Variants in PRKCSH observed in about 807,000 individuals in gnomAD.
The protein encoded by PRKCSH is glucosidase 2 subunit beta.
Under a neutral mutation model 79.7 loss-of-function variants are expected in PRKCSH, and 42 were observed. The observed-to-expected ratio is 0.53, with a 90% confidence interval of 0.41 to 0.68. PRKCSH has a LOEUF of 0.68. PRKCSH is among the 30% of genes least tolerant of loss of function. The pLI, the probability that PRKCSH is intolerant of heterozygous loss-of-function variation, is 0.00. For synonymous variants in PRKCSH, 325 were observed against 288.2 expected (o/e 1.13, Z -1.29); for missense variants, 686 against 709.0 (o/e 0.97, Z 0.37).
intron 3 of PRKCSH, chr19:11,436,779 A>G: frequency 2.2e-6 from 1 of 445,026 alleles, no homozygotes; most frequent in African/African-American, 2.0e-5. Context: ...AACACGGGCA[A>G]ACCCCTAGAA....
chr19:11,445,955 G>A (rs1395436420), intron 8 of PRKCSH: 5 of 529,062 alleles, frequency 9.5e-6, no homozygotes, highest in Non-Finnish European at 1.4e-5. Context: ...TGCTGGGTGG[G>A]GGACCAAGGC....
Position 11,448,314 on chromosome 19 carries a change from G to T in PRKCSH, c.1196+23G>T, listed in dbSNP as rs1208424565. 1.3e-6 allele frequency: 2 copies of T among 1,566,152 alleles called. No homozygotes were observed. The highest frequency in any genetic ancestry group is 2.7e-5 in the African/African-American group (2 of 73,992). On this transcript the variant is annotated intron_variant, in intron 13 of 17. Transcript: ENST00000677123. This position sits in a 1 kb window ranked among gnomAD's most constrained non-coding sequence, Gnocchi z 4.4. ...CAGGTAGCGGGGGCTGAGGAGCGGG[G>T]ACACCTGTCCCACAGCGACTGCTCC...
rs778894189 is a variant in PRKCSH, at chr19:11,449,142, G to A, written c.1428G>A (p.Thr476=). The A allele has an allele frequency of 8.1e-6, 13 of 1,613,716 alleles. No individual in the cohort carries two copies. The highest frequency in any genetic ancestry group is 4.4e-5 in the South Asian group (4 of 91,090). ...GTGCCATGAAGTATGAGCAAGGCAC[G>A]GGCTGCTGGCAGGGCCCCAACCGCT... ...KFSAMKYEQG[T]GCWQGPNRST... Residue 476 remains threonine, a synonymous_variant, in exon 16 of 18, where the codon ACG becomes ACA. Coordinates refer to ENST00000677123, the MANE Select transcript of PRKCSH (RefSeq NM_001289104.2). The surrounding 1 kb of genome is among the most constrained non-coding windows in gnomAD (Gnocchi z 6.4).
rs781236693 is a variant in PRKCSH, at chr19:11,447,458, C to T, written c.869C>T (p.Pro290Leu). Residue 290 changes from proline (P) to leucine (L), a missense_variant, in exon 11 of 18, where the codon CCA becomes CTA. Around this residue, in one of 2 missense-constraint regions of PRKCSH, gnomAD observed 549 missense variants for 520.2 expected, o/e 1.06. Coordinates refer to ENST00000677123, the MANE Select transcript of PRKCSH (RefSeq NM_001289104.2). This position sits in a 1 kb window ranked among gnomAD's most constrained non-coding sequence, Gnocchi z 5.6. ...CGCCAGGCACTGCCCACCGACCTTC[C>T]AGCACCTTCTGCCCCTGACTTGACG... ...YRSEALPTDL[P>L]APSAPDLTEP... 2 of 1,613,958 alleles carry T rather than the reference C, an allele frequency of 1.2e-6. No homozygotes were observed. The highest frequency in any genetic ancestry group is 1.1e-5 in the South Asian group (1 of 91,070).
intron 7 of PRKCSH, among the ~76,000 whole-genome samples, chr19:11,443,247 T>C (rs1481997258): frequency 6.6e-6 from 1 of 151,238 alleles, no homozygotes; most frequent in Non-Finnish European, 1.5e-5. Context: ...ACGCCATCTC[T>C]ACTAAAAGAA....
chr19:11,436,203 C>T lies in PRKCSH; in HGVS notation c.79+7C>T. The stretch of plus-strand genomic sequence containing the variant: ...CGGGGCGTCTCCCTCACCAGTGAGT[C>T]CTCCTGTTCACCCTCCCGCCAGGCT... On this transcript the variant is annotated splice_region_variant and intron_variant, in intron 2 of 17. Transcript: ENST00000677123. 1 of 1,467,762 alleles carries T rather than the reference C, an allele frequency of 6.8e-7. No homozygotes were observed. Among genetic ancestry groups the T allele is most frequent in the Non-Finnish European group, 9.3e-7 (1 of 1,077,158 alleles). The allele number at this position is 1,467,762 out of a possible 1,614,324, so 90.9% of individuals were successfully genotyped here.
rs1395043931 is a variant in PRKCSH at position 11,448,008 on chromosome 19, G to T, written c.1127-214G>T. ...CCTCCCCAAGGGCCGCAGCTTGTTT[G>T]TGTCACTCCTGGCCCCACTCGCTCA... On this transcript the variant is annotated intron_variant, in intron 12 of 17. Coordinates refer to ENST00000677123, the MANE Select transcript of PRKCSH (RefSeq NM_001289104.2). This position sits in a 1 kb window ranked among gnomAD's most constrained non-coding sequence, Gnocchi z 4.4. 1.1e-5 allele frequency: 8 copies of T among 750,938 alleles called. No homozygotes were observed. Among genetic ancestry groups the T allele is most frequent in the East Asian group, 2.7e-5 (1 of 37,062 alleles). 46.5% of individuals were successfully genotyped at this position (750,938 alleles called of 1,614,324 possible).
chr19:11,449,841 T>G lies in PRKCSH; in HGVS notation c.*16+413T>G, dbSNP rs535425154. 50 of 220,964 alleles carry G rather than the reference T, an allele frequency of 2.3e-4. No homozygotes were observed. The highest frequency in any genetic ancestry group is 1.0e-3 in the African/African-American group (45 of 43,202). 13.7% of individuals were successfully genotyped at this position (220,964 alleles called of 1,614,324 possible). ...TGAGCCACCACACCCGGCCATCTCC[T>G]GCCTTTTTTTTTTTGGATGGAGTTT... On this transcript the variant is annotated intron_variant, in intron 17 of 17. Transcript: ENST00000677123. This position sits in a 1 kb window ranked among gnomAD's most constrained non-coding sequence, Gnocchi z 6.4.
chr19:11,448,331 G>A lies in PRKCSH; in HGVS notation c.1196+40G>A, dbSNP rs1970422476. ...GGAGCGGGGACACCTGTCCCACAGC[G>A]ACTGCTCCTTGACTCCCAGGGGAGC... On this transcript the variant is annotated intron_variant, in intron 13 of 17. Transcript: ENST00000677123. This position sits in a 1 kb window ranked among gnomAD's most constrained non-coding sequence, Gnocchi z 4.4. 9 of 1,557,298 alleles carry A rather than the reference G, an allele frequency of 5.8e-6. No individual in the cohort carries two copies. Among genetic ancestry groups the A allele is most frequent in the African/African-American group, 2.7e-5 (2 of 73,690 alleles).
Position 11,447,859 on chromosome 19 carries a change from G to T in PRKCSH, c.1126+70G>T. 1 of 1,461,868 alleles carries T rather than the reference G, an allele frequency of 6.8e-7. No homozygotes were observed. Among genetic ancestry groups the T allele is most frequent in the Non-Finnish European group, 9.2e-7 (1 of 1,087,112 alleles). The allele number at this position is 1,461,868 out of a possible 1,614,324, so 90.6% of individuals were successfully genotyped here. ...TCCTGCCGTGGTGGCACAGGTCGAG[G>T]GAAGATCCTGAGCTTAGACCCTGCT... On this transcript the variant is annotated intron_variant, in intron 12 of 17. Transcript: ENST00000677123. The surrounding 1 kb of genome is among the most constrained non-coding windows in gnomAD (Gnocchi z 5.6).
chr19:11,446,455 T>G (rs1286608827), intron 9 of PRKCSH, 105 bp downstream of exon 9: 1 of 1,343,690 alleles, frequency 7.4e-7, no homozygotes, highest in Non-Finnish European at 1.0e-6. Flanking sequence ...TGGCCTGGGA[T>G]GCCTCCTCTG....
At chr19:11,440,754 A>G (rs929296599) in intron 5 of PRKCSH, among the ~76,000 whole-genome samples, 1 of 152,216 alleles carries the variant, frequency 6.6e-6, no homozygotes, top group African/African-American at 2.4e-5. Context: ...CGCCCAGCCA[A>G]CCAACACACT....
intron 3 of PRKCSH, 177 bp downstream of exon 3, chr19:11,436,682 C>T: frequency 1.6e-6 from 1 of 629,316 alleles, no homozygotes; most frequent in South Asian, 1.7e-5. Context: ...CAGAGTCGTC[C>T]TCCTCCCAAG....
At chr19:11,435,740 A>C (rs1171494743) in intron 1 of PRKCSH, 34 bp downstream of exon 1, 7 of 1,350,286 alleles carry the variant, frequency 5.2e-6, no homozygotes, top group Admixed American at 2.2e-5. Flanking sequence ...AGGGCACCTC[A>C]GTTTCTTACA....
At chr19:11,439,772 C>A (rs986530175) in intron 5 of PRKCSH, among the ~76,000 whole-genome samples, 8 of 151,550 alleles carry the variant, frequency 5.3e-5, no homozygotes, top group Non-Finnish European at 1.0e-4. Flanking sequence ...AGGCATCCAC[C>A]ACCACACCCG....
Position 11,449,345 on chromosome 19 carries a change from T to A in PRKCSH, c.1541T>A (p.Met514Lys). 3.1e-6 allele frequency: 5 copies of A among 1,613,410 alleles called. No homozygotes were observed. Among genetic ancestry groups the A allele is most frequent in the Non-Finnish European group, 3.4e-6 (4 of 1,179,942 alleles). Residue 514 changes from methionine to lysine, a missense_variant, in exon 17 of 18, where the codon ATG becomes AAG. Physicochemically the swap from Met to Lys is moderately conservative, Grantham distance 95. This residue lies in a region of PRKCSH where 137 missense variants were observed against 188.8 expected (regional missense o/e 0.73). Coordinates refer to ENST00000677123, the MANE Select transcript of PRKCSH (RefSeq NM_001289104.2). The surrounding 1 kb of genome is among the most constrained non-coding windows in gnomAD (Gnocchi z 6.4). ...CGCTGCGAGTACCTCATGGAGCTGA[T>A]GACGCCAGCCGCCTGCCCGGAGCCA... is the stretch of plus-strand genomic sequence containing the variant. ...PSRCEYLMELMTPAACPEPPP... is the reference protein window; with the variant it reads ...PSRCEYLMELKTPAACPEPPP...
At chr19:11,437,324 C>A (rs1969814223) in intron 3 of PRKCSH, among the ~76,000 whole-genome samples, 1 of 151,464 alleles carries the variant, frequency 6.6e-6, no homozygotes, top group Non-Finnish European at 1.5e-5. Context: ...AGGCGTGAGC[C>A]ACCGTACCTG....
Position 11,447,337 on chromosome 19 carries a change from G to A in PRKCSH, c.850-102G>A. On this transcript the variant is annotated intron_variant, in intron 10 of 17. Transcript: ENST00000677123. The surrounding 1 kb of genome is among the most constrained non-coding windows in gnomAD (Gnocchi z 5.6). ...TCGGTCCTCCCTGCAGGCCCCGCAG[G>A]AGGGGCAGAGACACCGAGGCTGCCC... 1.4e-6 allele frequency: 2 copies of A among 1,406,396 alleles called. No homozygotes were observed. Among genetic ancestry groups the A allele is most frequent in the Non-Finnish European group, 9.9e-7 (1 of 1,014,122 alleles). 87.1% of individuals were successfully genotyped at this position (1,406,396 alleles called of 1,614,324 possible). A position where few individuals can be genotyped will look rare whatever the true frequency, so the allele number is the denominator to read the frequency against.
In PRKCSH at chr19:11,436,047, GAC is replaced by G. The variant is rs1969710093; in HGVS notation, c.-67_-66del. On this transcript the variant is annotated 5_prime_UTR_variant, in exon 2 of 18. Coordinates refer to ENST00000677123, the MANE Select transcript of PRKCSH (RefSeq NM_001289104.2). ...ATCCGCTTTCTTCCTGCAGCGTGAA[GAC>G]ACAGCGCATCTCCCCGCTGTAGGCT... The G allele has an allele frequency of 1.1e-5, 17 of 1,576,882 alleles. No homozygotes were observed. Among genetic ancestry groups the G allele is most frequent in the East Asian group, 4.5e-5 (2 of 44,804 alleles).
Sources: allele counts gnomAD v4.1 joint callset (sites outside exome capture counted in the v4.1 genomes callset), GRCh38; gene constraint gnomAD v4.1.1; regional missense constraint gnomAD v4.1.1; non-coding constraint Gnocchi (gnomAD v3.1); transcripts MANE v1.5; gene names NCBI Gene and HGNC (gene_info 2026-07-23, HGNC 2026-07-21).